STRBP: variants seen among roughly 807,000 people sequenced by gnomAD.
STRBP encodes the protein spermatid perinuclear RNA binding protein.
A neutral mutation model predicts 80.1 loss-of-function variants in STRBP; 13 were observed. That is an observed-to-expected ratio of 0.16 (90% CI 0.11 to 0.26). The LOEUF is 0.26. Ranked by LOEUF, STRBP falls within the 10% of genes least tolerant of loss-of-function variation. STRBP has a pLI of 1.00. For synonymous variants in STRBP, 284 were observed against 291.2 expected (o/e 0.98, Z 0.25); for missense variants, 485 against 815.2 (o/e 0.59, Z 4.93).
intron 1 of STRBP, among the ~76,000 whole-genome samples, chr9:123,256,029 T>G (rs943717462): frequency 7.2e-6 from 1 of 138,296 alleles, no homozygotes; most frequent in African/African-American, 2.7e-5. Context: ...TTTTTTTTTT[T>G]TTTTTTTTTT....
At chr9:123,186,892 A>G (rs2038721333) in intron 2 of STRBP, among the ~76,000 whole-genome samples, 2 of 151,470 alleles carry the variant, frequency 1.3e-5, no homozygotes, top group African/African-American at 4.8e-5. Flanking sequence ...TTTAAAAACT[A>G]ACTTTGCTAG....
chr9:123,161,084 G>C lies in STRBP; in HGVS notation c.536-16C>G. ...GAAACATTTTCTAACAGTAAAATGG[G>C]ATAAAGAGAGACAAATACAATTTGA... On this transcript the variant is annotated splice_polypyrimidine_tract_variant and intron_variant, in intron 6 of 18. Coordinates refer to ENST00000348403, the MANE Select transcript of STRBP (RefSeq NM_018387.5). The C allele has an allele frequency of 6.5e-7, 1 of 1,549,424 alleles. No homozygotes were observed. The highest frequency in any genetic ancestry group is 8.8e-7 in the Non-Finnish European group (1 of 1,134,484).
chr9:123,264,039 C>T (rs1433439751), intron 1 of STRBP, among the ~76,000 whole-genome samples: 1 of 152,176 alleles, frequency 6.6e-6, no homozygotes, highest in Non-Finnish European at 1.5e-5. Flanking sequence ...ATTAGCTGGG[C>T]GTGGTGGCGG....
chr9:123,263,046 C>T (rs1268978516), intron 1 of STRBP, among the ~76,000 whole-genome samples: 1 of 152,200 alleles, frequency 6.6e-6, no homozygotes, highest in African/African-American at 2.4e-5. Context: ...CTTAGAATTA[C>T]TAGTCAGAAA....
chr9:123,110,695 C>T lies in STRBP; in HGVS notation c.*85-942G>A, dbSNP rs1005897722. 1 of 169,272 alleles carries T rather than the reference C, an allele frequency of 5.9e-6. No homozygotes were observed. Among genetic ancestry groups the T allele is most frequent in the Admixed American group, 6.5e-5 (1 of 15,292 alleles). 10.5% of individuals were successfully genotyped at this position (169,272 alleles called of 1,614,324 possible). ...GTCCACCTGGAGGCTGGAGACAGCTCCTCAGAGAGCCAGAGCTACCCTTGG... is the reference window on the plus strand; with the variant it reads ...GTCCACCTGGAGGCTGGAGACAGCTTCTCAGAGAGCCAGAGCTACCCTTGG... On this transcript the variant is annotated intron_variant and NMD_transcript_variant, in intron 3 of 3. Coordinates refer to the STRBP transcript ENST00000471564. This position sits in a 1 kb window ranked among gnomAD's most constrained non-coding sequence, Gnocchi z 4.1.
chr9:123,197,272 G>T (rs1047284035), intron 2 of STRBP, among the ~76,000 whole-genome samples: 1 of 152,102 alleles, frequency 6.6e-6, no homozygotes, highest in Non-Finnish European at 1.5e-5. Context: ...GATGGTATAT[G>T]GGTACAAAAA....
chr9:123,174,376 T>C (rs1241872711), intron 4 of STRBP, among the ~76,000 whole-genome samples: 4 of 152,224 alleles, frequency 2.6e-5, no homozygotes, highest in African/African-American at 9.6e-5. Flanking sequence ...AGGTTGAGGC[T>C]GCACTGAACC....
intron 5 of STRBP, among the ~76,000 whole-genome samples, chr9:123,171,912 T>C (rs527879193): frequency 2.0e-5 from 3 of 152,304 alleles, no homozygotes; most frequent in African/African-American, 7.2e-5. Context: ...CCTTGAATAC[T>C]TGCTAACTAG....
intron 2 of STRBP, among the ~76,000 whole-genome samples, chr9:123,229,397 G>GT (rs1231038189): frequency 1.3e-5 from 2 of 152,298 alleles, no homozygotes; most frequent in East Asian, 3.9e-4. Context: ...ATTAAAAACA[G>GT]TTGAATAGAG....
intron 1 of STRBP, among the ~76,000 whole-genome samples, chr9:123,262,714 C>T (rs2041184192): frequency 6.6e-6 from 1 of 152,222 alleles, no homozygotes; most frequent in Non-Finnish European, 1.5e-5. Flanking sequence ...CTGCTTCATT[C>T]AGCCACATGC....
chr9:123,135,611 A>G (rs1034374186), intron 16 of STRBP, among the ~76,000 whole-genome samples: 2 of 152,156 alleles, frequency 1.3e-5, no homozygotes, highest in African/African-American at 4.8e-5. Flanking sequence ...AGGAAACCCA[A>G]AATAAACAAT....
chr9:123,157,176 A>T (rs920950379), intron 11 of STRBP, among the ~76,000 whole-genome samples: 8 of 152,206 alleles, frequency 5.3e-5, no homozygotes, highest in African/African-American at 2.4e-5. Flanking sequence ...CTCTGAATTC[A>T]ACAGACTAAT....
chr9:123,195,953 T>C (rs566699458), intron 2 of STRBP, among the ~76,000 whole-genome samples: 1 of 152,142 alleles, frequency 6.6e-6, no homozygotes. Context: ...TCAAATTATA[T>C]GACAGAGCTG....
rs1369137672 is a variant in STRBP, at chr9:123,170,730, G to A, written c.391-684C>T. On this transcript the variant is annotated intron_variant, in intron 5 of 18. Transcript: ENST00000348403. Reference sequence around the variant, plus strand: ...AAATATAAACAAACGTACAATTTAGGTAGGGGCCTCCCACAAAATAATCAC... The same window carrying A: ...AAATATAAACAAACGTACAATTTAGATAGGGGCCTCCCACAAAATAATCAC... 7.9e-5 allele frequency among the ~76,000 whole-genome samples: 12 copies of A among 152,194 alleles called. No homozygotes were observed. The East Asian group carries it at 2.3e-3, about 29-fold the overall frequency.
chr9:123,150,478 G>A (rs1189345784), intron 11 of STRBP, among the ~76,000 whole-genome samples: 1 of 152,116 alleles, frequency 6.6e-6, no homozygotes, highest in African/African-American at 2.4e-5. Flanking sequence ...GAGGCAGGAG[G>A]ATTCATTGAG....
At chr9:123,207,090 AAAG>A (rs746609519) in intron 2 of STRBP, among the ~76,000 whole-genome samples, 8 of 152,214 alleles carry the variant, frequency 5.3e-5, no homozygotes, top group Non-Finnish European at 7.3e-5. Context: ...TGAAACTATA[AAAG>A]AATAAAAAAA....
At chr9:123,231,717 C>CTT (rs1429593069) in intron 2 of STRBP, among the ~76,000 whole-genome samples, 3 of 152,170 alleles carry the variant, frequency 2.0e-5, no homozygotes, top group Non-Finnish European at 2.9e-5. Flanking sequence ...AAAAGATTTT[C>CTT]TGTCTCTGCC....
chr9:123,169,194 A>T (rs1331463498), intron 6 of STRBP, among the ~76,000 whole-genome samples: 1 of 147,626 alleles, frequency 6.8e-6, no homozygotes, highest in Non-Finnish European at 1.5e-5. Flanking sequence ...TTTTTGGCAG[A>T]GTCTTGCTCT....
intron 11 of STRBP, among the ~76,000 whole-genome samples, chr9:123,154,265 T>C (rs1172498741): frequency 6.6e-6 from 1 of 152,200 alleles, no homozygotes; most frequent in Non-Finnish European, 1.5e-5. Context: ...CCTATTAAAA[T>C]GAACTATATC....
Sources: gnomAD v4.1 joint callset for allele counts (sites outside exome capture counted in the v4.1 genomes callset) on GRCh38, gnomAD v4.1.1 for gene constraint, Gnocchi (gnomAD v3.1) non-coding constraint, MANE v1.5 for transcripts, NCBI Gene and HGNC (gene_info 2026-07-23, HGNC 2026-07-21) for gene names.